The following TDRD9 variants were observed in gnomAD, a reference collection of about 807,000 sequenced individuals.
TDRD9 encodes the protein ATP-dependent RNA helicase TDRD9.
In TDRD9, 124 loss-of-function variants were observed where a neutral mutation model predicts 172.6. The ratio of observed to expected loss-of-function variants is 0.72; its 90% CI spans 0.62 to 0.83. TDRD9 has a LOEUF of 0.83. TDRD9 is among the 40% of genes least tolerant of loss of function. TDRD9 has a pLI of 0.00. For missense variants in TDRD9, 1,479 were observed against 1,714.1 expected, an observed-to-expected ratio of 0.86 and a Z score of 2.42; for synonymous variants, 619 against 617.1, an observed-to-expected ratio of 1.00 and a Z score of -0.05.
chr14:104,003,669 C>T (rs1418517888), intron 13 of TDRD9, among the ~76,000 whole-genome samples: 1 of 152,156 alleles, frequency 6.6e-6, no homozygotes, highest in African/African-American at 2.4e-5. Context: ...GTGATAGAGT[C>T]ACAAGAGAGT....
chr14:104,035,684 G>A (rs1019675129), intron 32 of TDRD9, among the ~76,000 whole-genome samples: 1 of 152,256 alleles, frequency 6.6e-6, no homozygotes, highest in Non-Finnish European at 1.5e-5. Flanking sequence ...TAGTGGAGCA[G>A]TGGGTGGGGG....
intron 1 of TDRD9, among the ~76,000 whole-genome samples, chr14:103,943,423 GTATA>G (rs1240238470): frequency 2.0e-5 from 3 of 149,312 alleles, no homozygotes; most frequent in Non-Finnish European, 4.4e-5. Context: ...ATACACATAA[GTATA>G]TATACGCATA....
In TDRD9 at chr14:103,970,490, A is replaced by C; in HGVS notation, c.766-51A>C. 8 of 1,349,202 alleles carry C rather than the reference A, an allele frequency of 5.9e-6. No individual in the cohort carries two copies. The South Asian group carries it at 1.0e-4, about 17-fold the overall frequency. The allele number at this position is 1,349,202 out of a possible 1,614,324, so 83.6% of individuals were successfully genotyped here. On this transcript the variant is annotated intron_variant, in intron 5 of 35. Coordinates refer to ENST00000409874, the MANE Select transcript of TDRD9 (RefSeq NM_153046.3). ...GTGGTGCCTTTCTGTCAGCAGTGTC[A>C]TGTGTGTTGCCTGATGCCATGTGGG... is the stretch of plus-strand genomic sequence containing the variant.
At chr14:104,024,757 C>T (rs1035149149) in intron 25 of TDRD9, 77 bp downstream of exon 25, 14 of 155,668 alleles carry the variant, frequency 9.0e-5, no homozygotes, top group Non-Finnish European at 1.4e-4. Flanking sequence ...TTTACACACA[C>T]ACACACACAC....
intron 1 of TDRD9, among the ~76,000 whole-genome samples, chr14:103,948,022 A>AT (rs1273324500): frequency 2.0e-5 from 3 of 152,064 alleles, no homozygotes; most frequent in Admixed American, 6.6e-5. Context: ...ACAGATTTTT[A>AT]TTTTTTTAAG....
chr14:103,985,028 A>G (rs927909103), intron 7 of TDRD9, among the ~76,000 whole-genome samples: 4 of 151,954 alleles, frequency 2.6e-5, no homozygotes, highest in South Asian at 2.1e-4. Context: ...ATTTTGGCCA[A>G]TTTCTCCCAT....
chr14:103,995,912 C>A, intron 12 of TDRD9, 105 bp downstream of exon 12: 1 of 1,047,414 alleles, frequency 9.5e-7, no homozygotes, highest in Non-Finnish European at 1.4e-6. Flanking sequence ...CCATCTCCTC[C>A]CGTTTTGGAA....
intron 1 of TDRD9, chr14:103,942,231 A>G (rs916709347): frequency 6.6e-6 from 1 of 152,530 alleles, no homozygotes; most frequent in African/African-American, 2.4e-5. Context: ...TACCCACCGA[A>G]ACTGTATTTG....
intron 1 of TDRD9, among the ~76,000 whole-genome samples, chr14:103,947,286 TTG>T (rs2031611664): frequency 6.6e-6 from 1 of 152,000 alleles, no homozygotes; most frequent in South Asian, 2.1e-4. Flanking sequence ...AAAGGACAGT[TTG>T]TTTTTTTTGT....
chr14:104,008,871 A>C (rs1187200773), intron 20 of TDRD9, among the ~76,000 whole-genome samples: 1 of 152,214 alleles, frequency 6.6e-6, no homozygotes, highest in Non-Finnish European at 1.5e-5. Flanking sequence ...CCGTGATCGC[A>C]CCAATATATT....
At chr14:103,975,976 C>CT (rs2033220564) in intron 7 of TDRD9, among the ~76,000 whole-genome samples, 2 of 152,112 alleles carry the variant, frequency 1.3e-5, no homozygotes, top group South Asian at 4.1e-4. Flanking sequence ...TTAAAAAGGA[C>CT]ACTAGAAGTT....
At chr14:104,012,026 C>T (rs557060231) in intron 20 of TDRD9, among the ~76,000 whole-genome samples, 9 of 152,256 alleles carry the variant, frequency 5.9e-5, no homozygotes, top group South Asian at 4.2e-4. Flanking sequence ...CAACAGTGTG[C>T]GATGACAGGC....
At chr14:104,008,493 A>G in intron 20 of TDRD9, 27 bp downstream of exon 20, 8 of 1,403,236 alleles carry the variant, frequency 5.7e-6, no homozygotes, top group Non-Finnish European at 8.0e-6. Context: ...GACCAAATGG[A>G]TGCAAATAAA....
intron 30 of TDRD9, among the ~76,000 whole-genome samples, chr14:104,032,862 C>T (rs74533093): frequency 0.023 from 3,473 of 152,208 alleles, 79 homozygotes; most frequent in East Asian, 0.07. Context: ...ATCTAGGGGG[C>T]CCAGCCACCC....
intron 28 of TDRD9, 75 bp downstream of exon 28, chr14:104,027,014 C>T: frequency 6.6e-7 from 1 of 1,505,668 alleles, no homozygotes. Flanking sequence ...CCTCTGTGGA[C>T]CCTGAGATAG....
At chr14:104,021,785 GTTTTA>G (rs1351071890) in intron 23 of TDRD9, among the ~76,000 whole-genome samples, 2 of 152,130 alleles carry the variant, frequency 1.3e-5, no homozygotes, top group African/African-American at 2.4e-5. Context: ...TTCTGTATCT[GTTTTA>G]TTTTATGATA....
In TDRD9 at chr14:104,006,993, G is replaced by A. The variant is rs548979594; in HGVS notation, c.2007+148G>A. On this transcript the variant is annotated intron_variant, in intron 18 of 35. Coordinates refer to ENST00000409874, the MANE Select transcript of TDRD9 (RefSeq NM_153046.3). ...ATTGGTGTCCAGTGTTAAATTAACC[G>A]TGCTGGAAGAAGTGAGTGAGGTGGA... The A allele has an allele frequency of 2.8e-4, 274 of 983,628 alleles. 2 individuals carry two copies. The South Asian group carries it at 3.4e-3, about 12-fold the overall frequency. 60.9% of individuals were successfully genotyped at this position (983,628 alleles called of 1,614,324 possible).
intron 22 of TDRD9, among the ~76,000 whole-genome samples, chr14:104,017,341 T>C (rs1018077856): frequency 6.6e-6 from 1 of 152,202 alleles, no homozygotes; most frequent in African/African-American, 2.4e-5. Flanking sequence ...TAGGTACTTT[T>C]CATTCTTCTC....
chr14:103,969,474 GA>G (rs1407783188), intron 5 of TDRD9, among the ~76,000 whole-genome samples: 13 of 152,308 alleles, frequency 8.5e-5, no homozygotes, highest in African/African-American at 3.1e-4. Flanking sequence ...GAAGTCAAGT[GA>G]CAGCATGAGA....
Sources: gnomAD v4.1 joint callset for allele counts (sites outside exome capture counted in the v4.1 genomes callset) on GRCh38, gnomAD v4.1.1 for gene constraint, MANE v1.5 for transcripts, NCBI Gene and HGNC (gene_info 2026-07-23, HGNC 2026-07-21) for gene names.